Variants in PPARGC1A observed in about 807,000 individuals in gnomAD.
The protein encoded by PPARGC1A is peroxisome proliferator-activated receptor gamma coactivator 1-alpha.
Under a neutral mutation model 88.7 loss-of-function variants are expected in PPARGC1A, and 25 were observed. That is an observed-to-expected ratio of 0.28 (90% CI 0.21 to 0.39). The LOEUF is 0.39. Among genes scored for constraint, PPARGC1A ranks in the 10% least tolerant of loss-of-function variants. The pLI, the probability that PPARGC1A is intolerant of heterozygous loss-of-function variation, is 1.00. For synonymous variants in PPARGC1A, 363 were observed against 355.6 expected, an observed-to-expected ratio of 1.02 and a Z score of -0.24; for missense variants, 880 against 968.7, an observed-to-expected ratio of 0.91 and a Z score of 1.22.
the PPARGC1A span, among the ~76,000 whole-genome samples, chr4:24,184,833 A>G: frequency 6.6e-6 from 1 of 152,206 alleles, no homozygotes; most frequent in African/African-American, 2.4e-5. Flanking sequence ...TCAGAAGAGA[A>G]ATGATGAGGA....
chr4:24,269,518 C>T, the PPARGC1A span, among the ~76,000 whole-genome samples: 1 of 152,190 alleles, frequency 6.6e-6, no homozygotes, highest in African/African-American at 2.4e-5. Context: ...AGCTCTACTA[C>T]TGTGTAGAGA....
At chr4:24,363,033 C>T in the PPARGC1A span, among the ~76,000 whole-genome samples, 2 of 152,218 alleles carry the variant, frequency 1.3e-5, no homozygotes, top group Admixed American at 1.3e-4. Flanking sequence ...ATGTCTTTCT[C>T]TTGCACTCAC....
In PPARGC1A at chr4:23,795,729, T is replaced by C. The variant is rs1717466928; in HGVS notation, c.*93A>G. 1.1e-6 allele frequency: 1 copy of C among 949,294 alleles called. No individual in the cohort carries two copies. Among genetic ancestry groups the C allele is most frequent in the Non-Finnish European group, 1.6e-6 (1 of 632,676 alleles). The allele number at this position is 949,294 out of a possible 1,614,324, so 58.8% of individuals were successfully genotyped here. A position where few individuals can be genotyped will look rare whatever the true frequency, so the allele number is the denominator to read the frequency against. On this transcript the variant is annotated 3_prime_UTR_variant, in exon 13 of 13. Coordinates refer to ENST00000264867, the MANE Select transcript of PPARGC1A (RefSeq NM_013261.5). Reference sequence around the variant, plus strand: ...TACAGAGAGTGTAAAGTAGGAGAAATTCCTAAGTATGACTTGCAATAGTCT... The same window carrying C: ...TACAGAGAGTGTAAAGTAGGAGAAACTCCTAAGTATGACTTGCAATAGTCT...
At chr4:23,835,261 G>A (rs1229814904) in intron 2 of PPARGC1A, among the ~76,000 whole-genome samples, 1 of 152,154 alleles carries the variant, frequency 6.6e-6, no homozygotes, top group Non-Finnish European at 1.5e-5. Flanking sequence ...AAACGACAAA[G>A]AACACTTAAA....
At chr4:23,858,289 T>C (rs992697154) in intron 2 of PPARGC1A, among the ~76,000 whole-genome samples, 3 of 152,172 alleles carry the variant, frequency 2.0e-5, no homozygotes, top group African/African-American at 7.2e-5. Flanking sequence ...GGCAGGATTT[T>C]TTTTACTCCC....
intron 2 of PPARGC1A, among the ~76,000 whole-genome samples, chr4:23,869,330 A>G (rs1306496194): frequency 6.6e-6 from 1 of 152,158 alleles, no homozygotes; most frequent in African/African-American, 2.4e-5. Context: ...GGGGAGCTGG[A>G]CTGCTCACAG....
chr4:23,943,328 T>G, the PPARGC1A span, among the ~76,000 whole-genome samples: 4 of 151,920 alleles, frequency 2.6e-5, no homozygotes, highest in South Asian at 8.3e-4. Context: ...CAAACATGAG[T>G]GCAAATAGGT....
the PPARGC1A span, among the ~76,000 whole-genome samples, chr4:24,314,882 T>A: frequency 2.0e-5 from 3 of 152,116 alleles, no homozygotes; most frequent in African/African-American, 7.2e-5. Context: ...CTTAGACAGA[T>A]GTCTTCAGTT....
At chr4:24,019,687 G>C in the PPARGC1A span, among the ~76,000 whole-genome samples, 5 of 152,156 alleles carry the variant, frequency 3.3e-5, no homozygotes, top group Non-Finnish European at 7.3e-5. Context: ...TAACACCTCA[G>C]AAAATGGGGC....
chr4:24,236,899 C>T, the PPARGC1A span, among the ~76,000 whole-genome samples: 2 of 152,140 alleles, frequency 1.3e-5, no homozygotes, highest in Non-Finnish European at 2.9e-5. Context: ...CATGAAGAAG[C>T]GGGACTGGAA....
chr4:23,931,351 G>C, the PPARGC1A span, among the ~76,000 whole-genome samples: 1 of 152,156 alleles, frequency 6.6e-6, no homozygotes, highest in Non-Finnish European at 1.5e-5. Context: ...GAAAAAAAAA[G>C]GAAGGAAAGT....
At chr4:24,153,530 T>C in the PPARGC1A span, among the ~76,000 whole-genome samples, 1 of 152,188 alleles carries the variant, frequency 6.6e-6, no homozygotes, top group East Asian at 1.9e-4. Context: ...AGGAGACATA[T>C]GCCAGTTGAC....
intron 2 of PPARGC1A, among the ~76,000 whole-genome samples, chr4:23,861,922 A>C (rs1420447824): frequency 6.6e-6 from 1 of 152,250 alleles, no homozygotes; most frequent in Admixed American, 6.5e-5. Context: ...CAAGAGTTCA[A>C]TAAAAGACTT....
the PPARGC1A span, among the ~76,000 whole-genome samples, chr4:23,995,399 T>C: frequency 6.6e-6 from 1 of 152,204 alleles, no homozygotes. Flanking sequence ...CTCCAAAATA[T>C]TGTCTTCTTC....
chr4:23,797,109 T>C (rs1020164010), intron 12 of PPARGC1A, among the ~76,000 whole-genome samples: 4 of 152,130 alleles, frequency 2.6e-5, no homozygotes, highest in Non-Finnish European at 4.4e-5. Context: ...TTCATTCTGA[T>C]CACCTTTGGT....
chr4:24,438,086 C>A, the PPARGC1A span, among the ~76,000 whole-genome samples: 2 of 152,084 alleles, frequency 1.3e-5, no homozygotes, highest in African/African-American at 2.4e-5. Flanking sequence ...ACAGCAGAGT[C>A]CAGGATTGGA....
At chr4:23,829,174 A>G (rs2109667485) in intron 4 of PPARGC1A, among the ~76,000 whole-genome samples, 1 of 152,354 alleles carries the variant, frequency 6.6e-6, no homozygotes, top group East Asian at 1.9e-4. Context: ...CCAGCTTATC[A>G]GCAAATTTTA....
At chr4:23,944,423 T>C in the PPARGC1A span, among the ~76,000 whole-genome samples, 2 of 152,142 alleles carry the variant, frequency 1.3e-5, no homozygotes, top group Non-Finnish European at 2.9e-5. Flanking sequence ...CCAGCTTCAT[T>C]AGGGCAGAGG....
chr4:24,042,486 G>C, the PPARGC1A span, among the ~76,000 whole-genome samples: 1 of 152,176 alleles, frequency 6.6e-6, no homozygotes, highest in Non-Finnish European at 1.5e-5. Flanking sequence ...AAAATTTAAA[G>C]TGTACTGCAT....
Sources: gnomAD v4.1 joint callset for allele counts (sites outside exome capture counted in the v4.1 genomes callset) on GRCh38, gnomAD v4.1.1 for gene constraint, MANE v1.5 for transcripts, NCBI Gene and HGNC (gene_info 2026-07-23, HGNC 2026-07-21) for gene names.